Variants in TCP11 observed in about 807,000 individuals in gnomAD.
The protein encoded by TCP11 is T-complex protein 11 homolog.
TCP11 carries 34 observed loss-of-function variants against 45.0 expected under a neutral mutation model. That is an observed-to-expected ratio of 0.76 (90% CI 0.57 to 1.01). TCP11 has a LOEUF of 1.01. Among genes scored for constraint, TCP11 ranks in the 50% least tolerant of loss-of-function variants. The pLI is 0.00. For synonymous variants in TCP11, 227 were observed against 227.0 expected (o/e 1.00, Z 0.00); for missense variants, 523 against 598.1 (o/e 0.87, Z 1.31).
intron 2 of TCP11, chr6:35,137,677 T>C (rs1342852451): frequency 4.9e-6 from 2 of 409,254 alleles, no homozygotes; most frequent in African/African-American, 2.1e-5. Flanking sequence ...ATAATAGGTA[T>C]ATATGGTAGT....
intron 2 of TCP11, chr6:35,139,899 T>A: frequency 1.8e-6 from 2 of 1,098,374 alleles, no homozygotes; most frequent in Non-Finnish European, 1.3e-6. Flanking sequence ...AAATTTCAAA[T>A]TTTTTTAAAA....
At chr6:35,138,692 G>A (rs1781386798) in intron 2 of TCP11, among the ~76,000 whole-genome samples, 1 of 152,164 alleles carries the variant, frequency 6.6e-6, no homozygotes, top group South Asian at 2.1e-4. Context: ...AATGACTGTA[G>A]TCAACAATAA....
chr6:35,118,243 G>C lies in TCP11; in HGVS notation c.*26C>G, dbSNP rs776935378. 4 of 1,598,384 alleles carry C rather than the reference G, an allele frequency of 2.5e-6. No homozygotes were observed. In the Admixed American group the frequency reaches 5.0e-5, roughly 20 times the overall value. Reference sequence around the variant, plus strand: ...ATGATGGGCCTCCTCTTGGGTCCAAGGTACCAGGGCTCTGAGCCGACGCTA... The same window carrying C: ...ATGATGGGCCTCCTCTTGGGTCCAACGTACCAGGGCTCTGAGCCGACGCTA... On this transcript the variant is annotated 3_prime_UTR_variant, in exon 10 of 10. Transcript: ENST00000311875.
At chr6:35,124,636 A>G (rs1779623868) in intron 4 of TCP11, among the ~76,000 whole-genome samples, 1 of 152,184 alleles carries the variant, frequency 6.6e-6, no homozygotes, top group South Asian at 2.1e-4. Flanking sequence ...TATACTGGTA[A>G]TAAGAACAGA....
chr6:35,118,508 G>A lies in TCP11; in HGVS notation c.1280-7C>T. 1.2e-6 allele frequency: 2 copies of A among 1,612,250 alleles called. No homozygotes were observed. The highest frequency in any genetic ancestry group is 1.7e-6 in the Non-Finnish European group (2 of 1,178,982). On this transcript the variant is annotated splice_region_variant and splice_polypyrimidine_tract_variant and intron_variant, in intron 9 of 9. Transcript: ENST00000311875. The stretch of plus-strand genomic sequence containing the variant: ...AACAAATGGATCCGCTGATCTGTGA[G>A]CAGGAAAAGACACTGATAAGGGAAA...
intron 3 of TCP11, 95 bp from the exon 4 acceptor site, chr6:35,129,277 A>C: frequency 6.9e-7 from 1 of 1,445,388 alleles, no homozygotes; most frequent in Non-Finnish European, 9.3e-7. Context: ...TGATATGGTA[A>C]AAGGCCATTA....
Position 35,120,591 on chromosome 6 carries a change from C to T in TCP11, c.771G>A (p.Met257Ile). The change falls in exon 7 of 10, where the codon ATG (methionine) becomes ATA (isoleucine). Residue 257 changes from methionine to isoleucine, a missense_variant. By Grantham distance (10) the Met-to-Ile change is conservative. Transcript: ENST00000311875. This position sits in a 1 kb window ranked among gnomAD's most constrained non-coding sequence, Gnocchi z 4.9. ...WLTQAAGDLT[M>I]SPPTCPDTSD... is the part of the protein sequence containing the mutation. ...AAGTGTCTGGGCAAGTCGGAGGTGA[C>T]ATGGTGAGGTCTCCTGCTGCTTGGG... The T allele has an allele frequency of 6.2e-7, 1 of 1,613,828 alleles. No homozygotes were observed. The highest frequency in any genetic ancestry group is 1.1e-5 in the South Asian group (1 of 91,072).
intron 3 of TCP11, among the ~76,000 whole-genome samples, chr6:35,135,620 T>TTA (rs1780988689): frequency 8.2e-6 from 1 of 121,558 alleles, no homozygotes; most frequent in Non-Finnish European, 1.7e-5. Flanking sequence ...ACCCCATCTC[T>TTA]AAAAAAAAAA....
chr6:35,127,671 T>A (rs548553008), intron 4 of TCP11, among the ~76,000 whole-genome samples: 1 of 152,364 alleles, frequency 6.6e-6, no homozygotes, highest in Admixed American at 6.5e-5. Flanking sequence ...AATTTTATGA[T>A]TTAGCCTTTA....
In TCP11 at chr6:35,120,089, G is replaced by A. The variant is rs1298319271; in HGVS notation, c.1115+70C>T. On this transcript the variant is annotated intron_variant, in intron 8 of 9. Coordinates refer to ENST00000311875, the MANE Select transcript of TCP11 (RefSeq NM_001370687.1). The surrounding 1 kb of genome is among the most constrained non-coding windows in gnomAD (Gnocchi z 4.9). ...GGTTTGTGGTAGACAGTAAGCAATCGTTCATTACCTGCCTATGTTCTAAAT... is the reference window on the plus strand; with the variant it reads ...GGTTTGTGGTAGACAGTAAGCAATCATTCATTACCTGCCTATGTTCTAAAT... The A allele has an allele frequency of 9.1e-6, 14 of 1,546,342 alleles. No individual in the cohort carries two copies. Among genetic ancestry groups the A allele is most frequent in the East Asian group, 2.3e-5 (1 of 44,312 alleles).
intron 3 of TCP11, among the ~76,000 whole-genome samples, chr6:35,131,542 T>G (rs1562003527): frequency 6.6e-6 from 1 of 152,004 alleles, no homozygotes; most frequent in Non-Finnish European, 1.5e-5. Context: ...CACTCCAGCC[T>G]GGGTGACACA....
In TCP11 at chr6:35,120,238, T is replaced by G. The variant is rs1581797311; in HGVS notation, c.1036A>C (p.Ser346Arg). The G allele has an allele frequency of 6.2e-7, 1 of 1,614,228 alleles. No homozygotes were observed. Among genetic ancestry groups the G allele is most frequent in the Non-Finnish European group, 8.5e-7 (1 of 1,180,040 alleles). Residue 346 changes from serine (S) to arginine (R), a missense_variant, in exon 8 of 10, where the codon AGT (serine) becomes CGT (arginine). Ser to Arg is a moderately radical substitution (Grantham distance 110, BLOSUM62 -1). This residue lies in a region of TCP11 where 298 missense variants were observed against 387.9 expected (regional missense o/e 0.77). Transcript: ENST00000311875. This position sits in a 1 kb window ranked among gnomAD's most constrained non-coding sequence, Gnocchi z 4.9. ...VLLVASSFSG[S>R]VLFGSPQFVD... ...AATTGGGGTGAGCCAAACAAAACAC[T>G]GCCGGAGAAACTACTGGCCACCAGC... is the stretch of plus-strand genomic sequence containing the variant.
intron 4 of TCP11, among the ~76,000 whole-genome samples, chr6:35,125,963 A>G (rs1779777586): frequency 1.3e-5 from 2 of 152,242 alleles, no homozygotes; most frequent in African/African-American, 4.8e-5. Flanking sequence ...TCAAATTCAT[A>G]GAGACAGAAA....
rs752125673 is a variant in TCP11, at chr6:35,141,207, C to T, written c.-17G>A. On this transcript the variant is annotated splice_region_variant and 5_prime_UTR_variant, in exon 1 of 10. Transcript: ENST00000311875. ...GCCTCCGGCTCCCAGGCCGTCACCT[C>T]CTCCTCCCCCGCCGCGGGTCATCCA... 18 of 1,406,306 alleles carry T rather than the reference C, an allele frequency of 1.3e-5. No homozygotes were observed. In the African/African-American group the frequency reaches 2.1e-4, roughly 16 times the overall value. The allele number at this position is 1,406,306 out of a possible 1,614,324, so 87.1% of individuals were successfully genotyped here.
In TCP11 at chr6:35,118,170, G is replaced by C. The variant is rs1778825853; in HGVS notation, c.*99C>G. 2 of 1,010,908 alleles carry C rather than the reference G, an allele frequency of 2.0e-6. No homozygotes were observed. Among genetic ancestry groups the C allele is most frequent in the Non-Finnish European group, 1.5e-6 (1 of 654,734 alleles). 62.6% of individuals were successfully genotyped at this position (1,010,908 alleles called of 1,614,324 possible). On this transcript the variant is annotated 3_prime_UTR_variant, in exon 10 of 10. Transcript: ENST00000311875. ...TTGGTGTACTGGCTGCAGGGCCTGG[G>C]ATAGAAGCTCACTGTCTGCTGGTCA... is the stretch of plus-strand genomic sequence containing the variant.
intron 2 of TCP11, among the ~76,000 whole-genome samples, chr6:35,137,489 C>T (rs1298004988): frequency 6.8e-6 from 1 of 147,258 alleles, no homozygotes; most frequent in Non-Finnish European, 1.5e-5. Context: ...GAAATATTGT[C>T]AAAATAAACA....
rs763626598 is a variant in TCP11 at position 35,129,185 on chromosome 6, A to C, written c.237-3T>G. 1.9e-6 allele frequency: 3 copies of C among 1,611,478 alleles called. No homozygotes were observed. The highest frequency in any genetic ancestry group is 1.7e-6 in the Non-Finnish European group (2 of 1,179,358). On this transcript the variant is annotated splice_region_variant and splice_polypyrimidine_tract_variant and intron_variant, in intron 3 of 9. Coordinates refer to ENST00000311875, the MANE Select transcript of TCP11 (RefSeq NM_001370687.1). ...TCTCCTTGACCTTGCCTTCCAGACT[A>C]TAAGAGGGTTAAATGAGCAGATTAC...
intron 3 of TCP11, among the ~76,000 whole-genome samples, chr6:35,131,816 G>T (rs1338303512): frequency 6.6e-6 from 1 of 152,094 alleles, no homozygotes; most frequent in Non-Finnish European, 1.5e-5. Flanking sequence ...TGGCCAGGCT[G>T]GTCTCCAACT....
Position 35,118,375 on chromosome 6 carries a change from T to G in TCP11, c.1406A>C (p.Asn469Thr). 1 of 1,614,184 alleles carries G rather than the reference T, an allele frequency of 6.2e-7. No homozygotes were observed. The highest frequency in any genetic ancestry group is 8.5e-7 in the Non-Finnish European group (1 of 1,180,026). The change falls in exon 10 of 10, where the codon AAC (asparagine) becomes ACC (threonine). Residue 469 changes from asparagine to threonine, a missense_variant. Asn to Thr is a moderately conservative substitution (Grantham distance 65, BLOSUM62 0). Coordinates refer to ENST00000311875, the MANE Select transcript of TCP11 (RefSeq NM_001370687.1). ...ELAELGQKFV[N>T]LTHHNQQVFG... Reference sequence around the variant, plus strand: ...CACCTGCTGATTGTGATGTGTCAAGTTGACAAACTTTTGGCCCAGTTCTGC... The same window carrying G: ...CACCTGCTGATTGTGATGTGTCAAGGTGACAAACTTTTGGCCCAGTTCTGC...
Sources: gnomAD v4.1 joint callset for allele counts (sites outside exome capture counted in the v4.1 genomes callset) on GRCh38, gnomAD v4.1.1 for gene constraint, gnomAD v4.1.1 regional missense constraint, Gnocchi (gnomAD v3.1) non-coding constraint, MANE v1.5 for transcripts, NCBI Gene and HGNC (gene_info 2026-07-23, HGNC 2026-07-21) for gene names.